Variants in TRIOBP observed in about 807,000 individuals in gnomAD.
The protein encoded by TRIOBP is TRIO and F-actin-binding protein.
In TRIOBP, 169 loss-of-function variants were observed where a neutral mutation model predicts 238.8. That is an observed-to-expected ratio of 0.71 (90% CI 0.62 to 0.80). TRIOBP has a LOEUF of 0.80. TRIOBP is among the 30% of genes least tolerant of loss of function. The pLI is 0.00. For missense variants in TRIOBP, 2,838 were observed against 3,122.6 expected (o/e 0.91, Z 2.17); for synonymous variants, 1,150 against 1,274.4 (o/e 0.90, Z 2.08).
rs1926041631 is a variant in TRIOBP at position 37,758,100 on chromosome 22, G to C, written c.6175G>C (p.Gly2059Arg). The C allele has an allele frequency of 1.2e-6, 2 of 1,611,024 alleles. No homozygotes were observed. The highest frequency in any genetic ancestry group is 3.3e-5 in the Admixed American group (2 of 59,972). The change falls in exon 16 of 24, where the codon GGG (glycine) becomes CGG (arginine). Residue 2059 changes from glycine (G) to arginine (R), a missense_variant. By Grantham distance (125) the Gly-to-Arg change is moderately radical. Transcript: ENST00000644935. Reference protein sequence around the residue: ...LLNQSRGERRGPPSDGHEALE... With the variant: ...LLNQSRGERRRPPSDGHEALE... ...CAACCAAAGCCGCGGAGAGCGCCGA[G>C]GGCCCCCAAGTGACGGCCACGAGGC...
At position 37,726,174 on chromosome 22, in the gene TRIOBP, G is replaced by C; in HGVS notation, c.3618G>C (p.Leu1206=). The C allele has an allele frequency of 6.3e-7, 1 of 1,578,310 alleles. No individual in the cohort carries two copies. Among genetic ancestry groups the C allele is most frequent in the Non-Finnish European group, 8.6e-7 (1 of 1,162,632 alleles). The change falls in exon 7 of 24, where the codon CTG becomes CTC. Residue 1206 remains leucine (L), a synonymous_variant. Transcript: ENST00000644935. ...MESLAPSTDS[L]HGSPVLIPQV... ...GCCTGGCCCCCTCCACTGACTCTCTGCATGGCTCCCCAGTGCTGATCCCCC... is the reference window on the plus strand; with the variant it reads ...GCCTGGCCCCCTCCACTGACTCTCTCCATGGCTCCCCAGTGCTGATCCCCC...
At chr22:37,773,546 A>G (rs577723541) in intron 23 of TRIOBP, among the ~76,000 whole-genome samples, 1 of 152,178 alleles carries the variant, frequency 6.6e-6, no homozygotes, top group East Asian at 1.9e-4. Flanking sequence ...TGCTTTTTCA[A>G]CGCCACATCT....
At chr22:37,719,477 A>G (rs1923710222) in intron 6 of TRIOBP, among the ~76,000 whole-genome samples, 1 of 152,106 alleles carries the variant, frequency 6.6e-6, no homozygotes, top group Admixed American at 6.6e-5. Flanking sequence ...TCAGGGAAGC[A>G]GGGGATGGAG....
At chr22:37,700,632 T>C (rs984803923) in intron 2 of TRIOBP, among the ~76,000 whole-genome samples, 4 of 152,038 alleles carry the variant, frequency 2.6e-5, no homozygotes, top group South Asian at 2.1e-4. Flanking sequence ...CCCAGGATGG[T>C]CTTGAACTCT....
intron 11 of TRIOBP, among the ~76,000 whole-genome samples, chr22:37,743,796 A>AAT: frequency 8.7e-6 from 1 of 114,978 alleles, no homozygotes; most frequent in African/African-American, 3.6e-5. Flanking sequence ...AGAAAGAGAG[A>AAT]GAGAATGTGT....
At chr22:37,755,966 G>C (rs1275711970) in intron 15 of TRIOBP, among the ~76,000 whole-genome samples, 1 of 152,184 alleles carries the variant, frequency 6.6e-6, no homozygotes, top group Non-Finnish European at 1.5e-5. Flanking sequence ...CTAAGCCTGT[G>C]TTAGGAAGGG....
intron 9 of TRIOBP, among the ~76,000 whole-genome samples, chr22:37,738,375 G>A (rs888365741): frequency 1.3e-5 from 2 of 152,084 alleles, no homozygotes; most frequent in African/African-American, 4.8e-5. Flanking sequence ...GATGGAGAGA[G>A]GGATATGTAG....
chr22:37,757,253 C>T (rs771141101), intron 15 of TRIOBP, among the ~76,000 whole-genome samples: 1 of 152,192 alleles, frequency 6.6e-6, no homozygotes, highest in South Asian at 2.1e-4. Flanking sequence ...GTCCCAGCTA[C>T]TCCAGAGGCC....
chr22:37,698,215 A>G (rs903482127), intron 2 of TRIOBP, among the ~76,000 whole-genome samples: 80 of 131,802 alleles, frequency 6.1e-4, no homozygotes, highest in African/African-American at 1.8e-3. Context: ...AAAAAAAAAA[A>G]AAAGAAAGAA....
At chr22:37,703,729 CT>C (rs769697110) in intron 3 of TRIOBP, among the ~76,000 whole-genome samples, 7 of 151,656 alleles carry the variant, frequency 4.6e-5, no homozygotes, top group Non-Finnish European at 8.8e-5. Context: ...TGGCCTCGAT[CT>C]TCCTGACCTC....
intron 6 of TRIOBP, 25 bp from the exon 7 acceptor site, chr22:37,723,160 T>C (rs1923920370): frequency 6.2e-7 from 1 of 1,613,142 alleles, no homozygotes; most frequent in Admixed American, 1.7e-5. Flanking sequence ...TCCCCTTACC[T>C]TGAGCCCCTC....
Position 37,701,315 on chromosome 22 carries a change from A to G in TRIOBP, c.-51A>G, listed in dbSNP as rs1423443622. On this transcript the variant is annotated 5_prime_UTR_variant, in exon 3 of 24. In the 5' UTR this introduces an upstream ATG that the reference lacks. Coordinates refer to ENST00000644935, the MANE Select transcript of TRIOBP (RefSeq NM_001039141.3). ...CCCTCATTTTTGCCAGGCCTCACAT[A>G]GACGGTCAGCCATTGGATCATAGGA... 6.8e-7 allele frequency: 1 copy of G among 1,473,188 alleles called. No individual in the cohort carries two copies. The highest frequency in any genetic ancestry group is 1.2e-5 in the South Asian group (1 of 84,434). The allele number at this position is 1,473,188 out of a possible 1,614,324, so 91.3% of individuals were successfully genotyped here. A position where few individuals can be genotyped will look rare whatever the true frequency, so the allele number is the denominator to read the frequency against.
chr22:37,701,854 A>G (rs1400558956), intron 3 of TRIOBP, among the ~76,000 whole-genome samples: 1 of 152,202 alleles, frequency 6.6e-6, no homozygotes, highest in Non-Finnish European at 1.5e-5. Context: ...GAGGCTGGGC[A>G]CGGTGGCTCA....
At chr22:37,705,506 C>G (rs556838162) in intron 3 of TRIOBP, among the ~76,000 whole-genome samples, 18 of 152,208 alleles carry the variant, frequency 1.2e-4, no homozygotes, top group East Asian at 1.2e-3. Flanking sequence ...GGGGGGAGGC[C>G]TGGTCTCACT....
intron 3 of TRIOBP, 115 bp downstream of exon 3, chr22:37,701,594 C>G (rs914235433): frequency 9.4e-6 from 7 of 741,946 alleles, no homozygotes; most frequent in Non-Finnish European, 1.7e-5. Flanking sequence ...TTCCTCCTGT[C>G]GAGAGCCTCG....
Position 37,755,165 on chromosome 22 carries a change from A to C in TRIOBP, c.5552A>C (p.Gln1851Pro). The change falls in exon 14 of 24, where the codon CAG becomes CCG. Residue 1851 changes from glutamine to proline, a missense_variant. By Grantham distance (76) the Gln-to-Pro change is moderately conservative. Around this residue, in one of 5 missense-constraint regions of TRIOBP, gnomAD observed 2,096 missense variants for 2,137.4 expected, o/e 0.98. Transcript: ENST00000644935. ...ACGGATGTCACTGAGTACGCGGTGC[A>C]GCGCAACTATGGCTTCCAGATCCAC... ...SCTDVTEYAV[Q>P]RNYGFQIHTK... 2 of 1,613,232 alleles carry C rather than the reference A, an allele frequency of 1.2e-6. No individual in the cohort carries two copies. The highest frequency in any genetic ancestry group is 1.7e-6 in the Non-Finnish European group (2 of 1,179,586).
chr22:37,739,001 G>A (rs780307652), intron 10 of TRIOBP, among the ~76,000 whole-genome samples: 53 of 152,132 alleles, frequency 3.5e-4, no homozygotes, highest in Non-Finnish European at 7.1e-4. Flanking sequence ...CTGCGCAAAT[G>A]ATGGTTTGGC....
chr22:37,716,058 A>C, intron 6 of TRIOBP, 124 bp downstream of exon 6: 1 of 963,934 alleles, frequency 1.0e-6, no homozygotes, highest in Non-Finnish European at 1.6e-6. Context: ...AATAATAGTA[A>C]CAGTTTGCAT....
chr22:37,764,525 T>G (rs1238080975), intron 17 of TRIOBP, among the ~76,000 whole-genome samples: 1 of 152,220 alleles, frequency 6.6e-6, no homozygotes, highest in Non-Finnish European at 1.5e-5. Context: ...TTTCCAGTTT[T>G]CATCTGTTAC....
Sources: gnomAD v4.1 joint callset for allele counts (sites outside exome capture counted in the v4.1 genomes callset) on GRCh38, gnomAD v4.1.1 for gene constraint, gnomAD v4.1.1 regional missense constraint, MANE v1.5 for transcripts, NCBI Gene and HGNC (gene_info 2026-07-23, HGNC 2026-07-21) for gene names.